Variants in SLC24A4 observed in about 807,000 individuals in gnomAD.
SLC24A4 encodes the protein sodium/potassium/calcium exchanger 4.
A neutral mutation model predicts 79.0 loss-of-function variants in SLC24A4; 53 were observed. The observed-to-expected ratio is 0.67, with a 90% CI of 0.54 to 0.84. SLC24A4 has a LOEUF of 0.84. Among genes scored for constraint, SLC24A4 ranks in the 40% least tolerant of loss-of-function variants. SLC24A4 has a pLI of 0.00. For missense variants in SLC24A4, 731 were observed against 822.0 expected (o/e 0.89, Z 1.35); for synonymous variants, 323 against 323.8 (o/e 1.00, Z 0.03).
chr14:92,368,531 T>C (rs1887980427), intron 2 of SLC24A4, among the ~76,000 whole-genome samples: 2 of 152,184 alleles, frequency 1.3e-5, no homozygotes, highest in Admixed American at 6.5e-5. Flanking sequence ...AGGTAATGGA[T>C]TGAAATTCAC....
rs1262048401 is a variant in SLC24A4 at position 92,449,087 on chromosome 14, A to G, written c.751A>G (p.Met251Val). Reference sequence around the variant, plus strand: ...CCTCGCTTCCAGGTACAATGTGAAGATGCAAGCCTTTTTCACAGTCAAACA... The same window carrying G: ...CCTCGCTTCCAGGTACAATGTGAAGGTGCAAGCCTTTTTCACAGTCAAACA... ...YILIMKYNVK[M>V]QAFFTVKQKS... The change falls in exon 10 of 17, where the codon ATG becomes GTG. Residue 251 changes from methionine (M) to valine (V), a missense_variant. Coordinates refer to ENST00000532405, the MANE Select transcript of SLC24A4 (RefSeq NM_153646.4). 6.2e-7 allele frequency: 1 copy of G among 1,614,054 alleles called. No homozygotes were observed. The highest frequency in any genetic ancestry group is 8.5e-7 in the Non-Finnish European group (1 of 1,180,044).
chr14:92,456,743 C>A, intron 12 of SLC24A4, 135 bp downstream of exon 12: 1 of 897,750 alleles, frequency 1.1e-6, no homozygotes, highest in Non-Finnish European at 1.7e-6. Context: ...TATTAGGTCA[C>A]TGGAATGCTT....
intron 2 of SLC24A4, among the ~76,000 whole-genome samples, chr14:92,336,708 A>G (rs1314964712): frequency 6.6e-6 from 1 of 152,212 alleles, no homozygotes; most frequent in Non-Finnish European, 1.5e-5. Flanking sequence ...AGACCAAGCC[A>G]CCTGCCGCAA....
rs1250050929 is a variant in SLC24A4 at position 92,500,026 on chromosome 14, A to G, written c.*6398A>G. On this transcript the variant is annotated 3_prime_UTR_variant, in exon 17 of 17. Coordinates refer to ENST00000532405, the MANE Select transcript of SLC24A4 (RefSeq NM_153646.4). ...AGCTAATTTTTTGTATTTTTGGTAC[A>G]GACAGGGTTTCACCGTGTTAGCCAG... 1 of 151,842 alleles carries G rather than the reference A, an allele frequency of 6.6e-6. No individual in the cohort carries two copies. Among genetic ancestry groups the G allele is most frequent in the African/African-American group, 2.4e-5 (1 of 41,242 alleles). The allele number at this position is 151,842 out of a possible 1,614,324, so 9.4% of individuals were successfully genotyped here.
intron 12 of SLC24A4, among the ~76,000 whole-genome samples, chr14:92,476,369 A>G (rs542077804): frequency 6.6e-6 from 1 of 152,360 alleles, no homozygotes; most frequent in South Asian, 2.1e-4. Flanking sequence ...AGGTGTATAT[A>G]GAGAAAGATC....
chr14:92,354,090 C>T (rs1404370388), intron 2 of SLC24A4, among the ~76,000 whole-genome samples: 1 of 152,176 alleles, frequency 6.6e-6, no homozygotes, highest in Admixed American at 6.5e-5. Flanking sequence ...GGTGAGCTCA[C>T]CTGCTCCTGA....
intron 14 of SLC24A4, among the ~76,000 whole-genome samples, chr14:92,487,141 G>T (rs1364404633): frequency 6.6e-6 from 1 of 152,196 alleles, no homozygotes; most frequent in Non-Finnish European, 1.5e-5. Flanking sequence ...GCAAAGCACT[G>T]GCATCCTATA....
intron 2 of SLC24A4, among the ~76,000 whole-genome samples, chr14:92,430,712 C>T (rs1194828572): frequency 2.0e-5 from 3 of 152,204 alleles, no homozygotes; most frequent in African/African-American, 7.2e-5. Flanking sequence ...CCTGTCCCTC[C>T]TTTCCCTTCA....
intron 2 of SLC24A4, among the ~76,000 whole-genome samples, chr14:92,373,011 TC>T (rs1888287958): frequency 6.8e-6 from 1 of 148,116 alleles, no homozygotes. Context: ...TTTCTTTCTT[TC>T]TTTCTTTCGA....
intron 2 of SLC24A4, among the ~76,000 whole-genome samples, chr14:92,351,921 AAGG>A (rs1322271354): frequency 8.6e-5 from 13 of 150,848 alleles, no homozygotes; most frequent in Admixed American, 4.6e-4. Flanking sequence ...AAAGGAAGGA[AAGG>A]AAAGGAAAGG....
chr14:92,413,382 CTCTT>C (rs984652654), intron 2 of SLC24A4, among the ~76,000 whole-genome samples: 7 of 152,260 alleles, frequency 4.6e-5, no homozygotes, highest in Non-Finnish European at 8.8e-5. Flanking sequence ...GAAAGTGTCT[CTCTT>C]TCCACCTGGA....
At chr14:92,416,316 G>A (rs1460622346) in intron 2 of SLC24A4, among the ~76,000 whole-genome samples, 2 of 152,110 alleles carry the variant, frequency 1.3e-5, no homozygotes, top group East Asian at 1.9e-4. Flanking sequence ...TTCCTGCCAC[G>A]CTCTGTGTGC....
intron 12 of SLC24A4, among the ~76,000 whole-genome samples, chr14:92,472,405 A>G (rs10149969): frequency 0.024 from 3,639 of 151,720 alleles, 151 homozygotes; most frequent in African/African-American, 0.083. Flanking sequence ...ACCCCTTCCC[A>G]CCCTTTCCCC....
chr14:92,437,468 A>G (rs951154672), intron 3 of SLC24A4, among the ~76,000 whole-genome samples: 7 of 152,244 alleles, frequency 4.6e-5, no homozygotes, highest in Non-Finnish European at 1.0e-4. Context: ...TGGGCCAGAG[A>G]GAGGCTCCAG....
intron 2 of SLC24A4, among the ~76,000 whole-genome samples, chr14:92,413,656 C>T (rs112260266): frequency 1.0e-3 from 153 of 152,328 alleles, no homozygotes; most frequent in African/African-American, 3.3e-3. Context: ...AGATGCCACA[C>T]GCTCAGTGCT....
chr14:92,396,570 C>T (rs946192438), intron 2 of SLC24A4, among the ~76,000 whole-genome samples: 3 of 152,182 alleles, frequency 2.0e-5, no homozygotes, highest in East Asian at 1.9e-4. Context: ...ATGGAACCTA[C>T]GAATGTGACT....
chr14:92,446,054 A>G (rs1320123654), intron 8 of SLC24A4, among the ~76,000 whole-genome samples: 1 of 152,188 alleles, frequency 6.6e-6, no homozygotes. Context: ...ATAAATCACA[A>G]ACTTCTGAGG....
At chr14:92,382,450 C>T (rs1016677080) in intron 2 of SLC24A4, among the ~76,000 whole-genome samples, 2 of 152,086 alleles carry the variant, frequency 1.3e-5, no homozygotes, top group East Asian at 1.9e-4. Context: ...GTTTAGTACG[C>T]GTAAGGCTGT....
intron 12 of SLC24A4, among the ~76,000 whole-genome samples, chr14:92,461,730 A>T (rs1716524257): frequency 6.6e-6 from 1 of 152,168 alleles, no homozygotes; most frequent in Non-Finnish European, 1.5e-5. Flanking sequence ...GGGAGGAATA[A>T]TTCAGTTCAT....
Sources: gnomAD v4.1 joint callset for allele counts (sites outside exome capture counted in the v4.1 genomes callset) on GRCh38, gnomAD v4.1.1 for gene constraint, MANE v1.5 for transcripts, NCBI Gene and HGNC (gene_info 2026-07-23, HGNC 2026-07-21) for gene names.